The following FBXL17 variants were observed in gnomAD, a reference collection of about 807,000 sequenced individuals.
The protein encoded by FBXL17 is F-box/LRR-repeat protein 17.
In FBXL17, 22 loss-of-function variants were observed where a neutral mutation model predicts 66.2. The observed-to-expected ratio is 0.33, with a 90% confidence interval of 0.24 to 0.47. The LOEUF (loss-of-function observed/expected upper bound fraction) is 0.47, where lower values mean the gene tolerates loss of function less well. FBXL17 is among the 20% of genes least tolerant of loss of function. The pLI is 1.00. For missense variants in FBXL17, 878 were observed against 948.2 expected, an observed-to-expected ratio of 0.93 and a Z score of 0.97; for synonymous variants, 474 against 400.5, an observed-to-expected ratio of 1.18 and a Z score of -2.19.
chr5:108,240,680 C>T lies in FBXL17; in HGVS notation c.1507-16452G>A, dbSNP rs142021260. On this transcript the variant is annotated intron_variant, in intron 4 of 8. Coordinates refer to ENST00000542267, the MANE Select transcript of FBXL17 (RefSeq NM_001163315.3). The stretch of plus-strand genomic sequence containing the variant: ...CAAGCCTGGATGGCTTGACCATCTA[C>T]TGATTGTAGAGTACTAGGGCCTTGA... Among the ~76,000 whole-genome samples the T allele has an allele frequency of 4.5e-3, 680 of 152,266 alleles. 5 individuals are homozygous for T. Among genetic ancestry groups the T allele is most frequent in the African/African-American group, 0.015 (643 of 41,562 alleles).
chr5:108,171,533 G>A (rs1040237836), intron 6 of FBXL17, among the ~76,000 whole-genome samples: 5 of 152,136 alleles, frequency 3.3e-5, no homozygotes, highest in African/African-American at 1.2e-4. Context: ...AAAACTCTCA[G>A]CCTGACTTAA....
chr5:108,039,897 T>C (rs749372740), intron 6 of FBXL17, among the ~76,000 whole-genome samples: 4 of 152,300 alleles, frequency 2.6e-5, no homozygotes, highest in African/African-American at 9.6e-5. Flanking sequence ...TAAAGTTCCA[T>C]GCCAGAATTC....
chr5:108,270,538 A>T (rs1183432165), intron 4 of FBXL17, among the ~76,000 whole-genome samples: 3 of 150,780 alleles, frequency 2.0e-5, no homozygotes, highest in Non-Finnish European at 3.0e-5. Context: ...AGGTTAATAA[A>T]AAAAAAAAAC....
At chr5:107,916,743 A>T (rs760975475) in intron 7 of FBXL17, among the ~76,000 whole-genome samples, 18 of 152,312 alleles carry the variant, frequency 1.2e-4, no homozygotes, top group Admixed American at 2.6e-4. Flanking sequence ...CTATTTAACT[A>T]AAGAATATTT....
chr5:108,310,878 CACAG>C (rs1157912855), intron 4 of FBXL17, among the ~76,000 whole-genome samples: 2 of 152,130 alleles, frequency 1.3e-5, no homozygotes, highest in African/African-American at 4.8e-5. Context: ...ACCGAAAGTC[CACAG>C]ACAATTTTAC....
Position 107,938,191 on chromosome 5 carries a change from G to A in FBXL17, c.1823-57012C>T, listed in dbSNP as rs1750973062. ...GAAAACAACTGCTTTATGGTGACCT[G>A]AAATGGGATTAATGTAAGCCGGATG... On this transcript the variant is annotated intron_variant, in intron 7 of 8. Coordinates refer to ENST00000542267, the MANE Select transcript of FBXL17 (RefSeq NM_001163315.3). Among the ~76,000 whole-genome samples the A allele has an allele frequency of 2.6e-5, 4 of 152,006 alleles. No homozygotes were observed. The South Asian group carries it at 8.3e-4, about 32-fold the overall frequency.
chr5:107,961,986 T>A (rs1342507622), intron 7 of FBXL17, among the ~76,000 whole-genome samples: 1 of 152,178 alleles, frequency 6.6e-6, no homozygotes, highest in Admixed American at 6.5e-5. Context: ...CATCAGACAG[T>A]GAAATGCCTT....
chr5:108,201,069 C>T (rs1332600126), intron 5 of FBXL17, among the ~76,000 whole-genome samples: 1 of 152,160 alleles, frequency 6.6e-6, no homozygotes, highest in Non-Finnish European at 1.5e-5. Context: ...AAATAACTAA[C>T]TTCTAACGAT....
chr5:108,263,411 A>G (rs1252999850), intron 4 of FBXL17, among the ~76,000 whole-genome samples: 1 of 152,268 alleles, frequency 6.6e-6, no homozygotes, highest in Non-Finnish European at 1.5e-5. Context: ...AAGGGAATTC[A>G]GTGAAGTTGC....
chr5:108,230,488 T>C (rs1755282707), intron 4 of FBXL17, among the ~76,000 whole-genome samples: 1 of 152,120 alleles, frequency 6.6e-6, no homozygotes, highest in Admixed American at 6.6e-5. Flanking sequence ...ACAAACATCA[T>C]ATGTTCTCAC....
intron 7 of FBXL17, among the ~76,000 whole-genome samples, chr5:107,941,540 G>A (rs1352531893): frequency 1.3e-5 from 2 of 152,166 alleles, no homozygotes; most frequent in Non-Finnish European, 2.9e-5. Flanking sequence ...TATTTTTATA[G>A]ACACCTTAGC....
intron 8 of FBXL17, among the ~76,000 whole-genome samples, chr5:107,866,576 G>A (rs1748282820): frequency 6.6e-6 from 1 of 152,108 alleles, no homozygotes; most frequent in East Asian, 1.9e-4. Flanking sequence ...ATTTATCTAG[G>A]CCATTACAGT....
intron 7 of FBXL17, among the ~76,000 whole-genome samples, chr5:107,954,011 G>C (rs1443749908): frequency 1.3e-5 from 2 of 152,142 alleles, no homozygotes; most frequent in Non-Finnish European, 2.9e-5. Context: ...ATAAGTTTAT[G>C]ATTAGTAGGT....
intron 6 of FBXL17, among the ~76,000 whole-genome samples, chr5:108,176,679 G>C (rs1335488212): frequency 6.6e-6 from 1 of 151,956 alleles, no homozygotes; most frequent in East Asian, 1.9e-4. Context: ...CCTTTAAAGT[G>C]ATTTTACTAG....
chr5:108,380,844 C>T lies in FBXL17; in HGVS notation c.848G>A (p.Gly283Asp). ...EAGGDAVRAG[G>D]TAPLSAQQQH... is the part of the protein sequence containing the mutation. ...CTGCTGGGCGGACAAGGGGGCGGTG[C>T]CCCCGGCTCGGACAGCGTCCCCGCC... The change falls in exon 1 of 9, where the codon GGC (glycine) becomes GAC (aspartate). Residue 283 changes from glycine to aspartate, a missense_variant. Gly to Asp is a moderately conservative substitution (Grantham distance 94). This residue lies in a region of FBXL17 where 605 missense variants were observed against 509.5 expected (regional missense o/e 1.19). Coordinates refer to ENST00000542267, the MANE Select transcript of FBXL17 (RefSeq NM_001163315.3). 8.0e-7 allele frequency: 1 copy of T among 1,246,604 alleles called. No homozygotes were observed. The highest frequency in any genetic ancestry group is 1.0e-6 in the Non-Finnish European group (1 of 987,972). The allele number at this position is 1,246,604 out of a possible 1,614,324, so 77.2% of individuals were successfully genotyped here.
chr5:108,359,772 G>A (rs1748224028), intron 3 of FBXL17, among the ~76,000 whole-genome samples: 1 of 152,074 alleles, frequency 6.6e-6, no homozygotes, highest in African/African-American at 2.4e-5. Context: ...GTATTCTTTT[G>A]TTGTTGAGTG....
rs549558262 is a variant in FBXL17 at position 108,183,231 on chromosome 5, G to T, written c.1745+2886C>A. 3.9e-5 allele frequency among the ~76,000 whole-genome samples: 6 copies of T among 151,956 alleles called. No individual in the cohort carries two copies. The South Asian group carries it at 8.3e-4, about 21-fold the overall frequency. ...AATTTTTGTATTTTTAGTAAAGACG[G>T]GGTTTCACCATGTTAGCCAGGATGG... On this transcript the variant is annotated intron_variant, in intron 6 of 8. Coordinates refer to ENST00000542267, the MANE Select transcript of FBXL17 (RefSeq NM_001163315.3).
intron 4 of FBXL17, among the ~76,000 whole-genome samples, chr5:108,266,277 A>G (rs1011777780): frequency 6.6e-6 from 1 of 152,028 alleles, no homozygotes; most frequent in Non-Finnish European, 1.5e-5. Context: ...GTGATCAACC[A>G]CAGTTGAAAA....
intron 4 of FBXL17, among the ~76,000 whole-genome samples, chr5:108,275,507 C>A (rs1757448000): frequency 1.3e-5 from 2 of 152,116 alleles, no homozygotes; most frequent in Non-Finnish European, 2.9e-5. Context: ...ACTTCTATTG[C>A]CACTAAATAG....
Sources: gnomAD v4.1 joint callset for allele counts (sites outside exome capture counted in the v4.1 genomes callset) on GRCh38, gnomAD v4.1.1 for gene constraint, gnomAD v4.1.1 regional missense constraint, MANE v1.5 for transcripts, NCBI Gene and HGNC (gene_info 2026-07-23, HGNC 2026-07-21) for gene names.